Variants in LRRC7 observed in about 807,000 individuals in gnomAD.
The protein encoded by LRRC7 is leucine rich repeat containing 7, also known as leucine-rich repeat-containing protein 7.
LRRC7 carries 23 observed loss-of-function variants against 175.7 expected under a neutral mutation model. The observed-to-expected ratio is 0.13, with a 90% confidence interval of 0.09 to 0.19. LRRC7 has a LOEUF of 0.19. Among genes scored for constraint, LRRC7 ranks in the 10% least tolerant of loss-of-function variants. LRRC7 has a pLI of 1.00. For synonymous variants in LRRC7, 685 were observed against 680.9 expected, an observed-to-expected ratio of 1.01 and a Z score of -0.09; for missense variants, 1,354 against 1,904.7, an observed-to-expected ratio of 0.71 and a Z score of 5.38.
At chr1:69,718,093 A>T (rs183675264) in intron 2 of LRRC7, among the ~76,000 whole-genome samples, 1 of 123,940 alleles carries the variant, frequency 8.1e-6, no homozygotes, top group African/African-American at 3.4e-5. Context: ...AGAAAAAGAA[A>T]GAGAAGAAAG....
chr1:70,050,415 C>G (rs150348349), intron 22 of LRRC7, among the ~76,000 whole-genome samples: 2,467 of 152,012 alleles, frequency 0.016, 70 homozygotes, highest in African/African-American at 0.057. Context: ...CAGCCATCTT[C>G]TGTATTATTT....
chr1:69,730,787 C>G (rs1205206431), intron 2 of LRRC7, among the ~76,000 whole-genome samples: 1 of 152,134 alleles, frequency 6.6e-6, no homozygotes, highest in Non-Finnish European at 1.5e-5. Context: ...TCCCCACTAC[C>G]TGGTGCCAAT....
chr1:70,008,733 CT>C (rs1302917909), intron 11 of LRRC7, among the ~76,000 whole-genome samples: 1 of 152,142 alleles, frequency 6.6e-6, no homozygotes, highest in Non-Finnish European at 1.5e-5. Context: ...AGTTGTAGTG[CT>C]TTAATGGTTA....
At chr1:69,825,666 A>G (rs1462670839) in intron 4 of LRRC7, 82 bp from the exon 5 acceptor site, 1 of 872,118 alleles carries the variant, frequency 1.1e-6, no homozygotes, top group Non-Finnish European at 1.7e-6. Context: ...CATAGTTTTA[A>G]TAATTATCTA....
At chr1:69,702,652 A>G (rs895368730) in intron 2 of LRRC7, among the ~76,000 whole-genome samples, 1 of 152,124 alleles carries the variant, frequency 6.6e-6, no homozygotes, top group Non-Finnish European at 1.5e-5. Flanking sequence ...AACTTTTAAG[A>G]GCCACAATGT....
chr1:69,724,298 C>T (rs1450628612), intron 2 of LRRC7, among the ~76,000 whole-genome samples: 2 of 152,100 alleles, frequency 1.3e-5, no homozygotes, highest in African/African-American at 4.8e-5. Flanking sequence ...ACCAAGATCA[C>T]ACCACTGCAC....
chr1:70,090,259 CTTCAA>C (rs1663922592), intron 25 of LRRC7, among the ~76,000 whole-genome samples: 1 of 152,162 alleles, frequency 6.6e-6, no homozygotes, highest in Admixed American at 6.6e-5. Flanking sequence ...ACTGCCATCT[CTTCAA>C]TTCATCAAGC....
chr1:70,079,422 C>A (rs1248343190), intron 24 of LRRC7, among the ~76,000 whole-genome samples: 5 of 149,346 alleles, frequency 3.3e-5, no homozygotes, highest in African/African-American at 1.3e-4. Context: ...AAAAATTATT[C>A]AACATTTTTA....
Position 70,141,145 on chromosome 1 carries a change from A to G in LRRC7, c.*19258A>G, listed in dbSNP as rs571044865. Among the ~76,000 whole-genome samples, 7 of 152,262 alleles carry G rather than the reference A, an allele frequency of 4.6e-5. No individual in the cohort carries two copies. In the East Asian group the frequency reaches 5.8e-4, roughly 13 times the overall value. Reference sequence around the variant, plus strand: ...GAGGAAGAGATAACAAAAGATGTAGATAAGAGGACATTGTTAACTGGTGGC... The same window carrying G: ...GAGGAAGAGATAACAAAAGATGTAGGTAAGAGGACATTGTTAACTGGTGGC... On this transcript the variant is annotated 3_prime_UTR_variant, in exon 27 of 27. Transcript: ENST00000651989.
intron 22 of LRRC7, among the ~76,000 whole-genome samples, chr1:70,050,754 A>G (rs569837060): frequency 1.4e-4 from 22 of 152,098 alleles, no homozygotes; most frequent in Admixed American, 8.5e-4. Flanking sequence ...CTCCTTTGGG[A>G]AAGAATATGC....
chr1:69,743,004 A>G (rs958268073), intron 2 of LRRC7, among the ~76,000 whole-genome samples: 1 of 152,024 alleles, frequency 6.6e-6, no homozygotes, highest in East Asian at 1.9e-4. Flanking sequence ...AAGTGTCACC[A>G]TAGAAGATAT....
In LRRC7 at chr1:70,121,986, C is replaced by T. The variant is rs979786751; in HGVS notation, c.*99C>T. 1 of 745,872 alleles carries T rather than the reference C, an allele frequency of 1.3e-6. No individual in the cohort carries two copies. Among genetic ancestry groups the T allele is most frequent in the East Asian group, 2.7e-5 (1 of 37,648 alleles). 46.2% of individuals were successfully genotyped at this position (745,872 alleles called of 1,614,324 possible). ...ATTTTGCCAATTGCTGGACCAATGG[C>T]AAACATTAGTGCCAAATGTATAATA... On this transcript the variant is annotated 3_prime_UTR_variant, in exon 27 of 27. Coordinates refer to ENST00000651989, the MANE Select transcript of LRRC7 (RefSeq NM_001370785.2).
chr1:69,906,648 T>A (rs1194574160), intron 7 of LRRC7, among the ~76,000 whole-genome samples: 2 of 152,118 alleles, frequency 1.3e-5, no homozygotes, highest in African/African-American at 2.4e-5. Flanking sequence ...TACCATGCTG[T>A]TTTGGTTACT....
At chr1:69,665,979 T>C (rs977035958) in intron 1 of LRRC7, among the ~76,000 whole-genome samples, 1 of 152,134 alleles carries the variant, frequency 6.6e-6, no homozygotes, top group Non-Finnish European at 1.5e-5. Flanking sequence ...TGGCTTTTGT[T>C]ATGTTGAGGT....
At chr1:69,801,784 T>C (rs549158979) in intron 4 of LRRC7, among the ~76,000 whole-genome samples, 1 of 151,444 alleles carries the variant, frequency 6.6e-6, no homozygotes, top group Non-Finnish European at 1.5e-5. Context: ...GTTTTCTAGT[T>C]TCTTGGGATG....
rs184429178 is a variant in LRRC7, at chr1:69,628,526, A to G, written c.3-49855A>G. 3.8e-3 allele frequency among the ~76,000 whole-genome samples: 579 copies of G among 152,298 alleles called. 2 individuals carry two copies. Among genetic ancestry groups the G allele is most frequent in the Non-Finnish European group, 6.4e-3 (433 of 68,006 alleles). ...CACCATTTATAGATAGGAAGATTCA[A>G]TATTGTCAAGATCTCAGTTTTTCCC... On this transcript the variant is annotated intron_variant, in intron 1 of 26. Coordinates refer to ENST00000651989, the MANE Select transcript of LRRC7 (RefSeq NM_001370785.2).
chr1:69,776,621 C>T (rs1210394456), intron 3 of LRRC7, among the ~76,000 whole-genome samples: 1 of 152,094 alleles, frequency 6.6e-6, no homozygotes, highest in Non-Finnish European at 1.5e-5. Flanking sequence ...AATATTCTAC[C>T]TCTTTCTTTA....
intron 1 of LRRC7, among the ~76,000 whole-genome samples, chr1:69,645,207 C>G (rs1173331821): frequency 6.6e-6 from 1 of 151,802 alleles, no homozygotes; most frequent in Admixed American, 6.6e-5. Flanking sequence ...ATACAAAACC[C>G]AAAGGAATCT....
At chr1:69,634,845 G>T (rs542268726) in intron 1 of LRRC7, among the ~76,000 whole-genome samples, 2 of 152,068 alleles carry the variant, frequency 1.3e-5, no homozygotes, top group Admixed American at 1.3e-4. Flanking sequence ...AGACTGGGCC[G>T]CAGACTGAAG....
Sources: gnomAD v4.1 joint callset for allele counts (sites outside exome capture counted in the v4.1 genomes callset) on GRCh38, gnomAD v4.1.1 for gene constraint, MANE v1.5 for transcripts, NCBI Gene and HGNC (gene_info 2026-07-23, HGNC 2026-07-21) for gene names.